The following RBFOX3 variants were observed in gnomAD, a reference collection of about 807,000 sequenced individuals.
The protein encoded by RBFOX3 is RNA binding protein fox-1 homolog 3.
RBFOX3 carries 17 observed loss-of-function variants against 48.7 expected under a neutral mutation model. The observed-to-expected ratio is 0.35, with a 90% CI of 0.24 to 0.52. The LOEUF (loss-of-function observed/expected upper bound fraction) is 0.52, where lower values mean the gene tolerates loss of function less well. Among genes scored for constraint, RBFOX3 ranks in the 20% least tolerant of loss-of-function variants. The pLI is 0.94. For missense variants in RBFOX3, 382 were observed against 497.5 expected, an observed-to-expected ratio of 0.77 and a Z score of 2.21; for synonymous variants, 212 against 209.5, an observed-to-expected ratio of 1.01 and a Z score of -0.10.
rs1261037058 is a variant in RBFOX3 at position 79,106,765 on chromosome 17, C to T, written c.246G>A (p.Thr82=). The T allele has an allele frequency of 8.5e-6, 13 of 1,525,098 alleles. No homozygotes were observed. Among genetic ancestry groups the T allele is most frequent in the Middle Eastern group, 1.7e-4 (1 of 5,848 alleles). The allele number at this position is 1,525,098 out of a possible 1,614,324, so 94.5% of individuals were successfully genotyped here. A position where few individuals can be genotyped will look rare whatever the true frequency, so the allele number is the denominator to read the frequency against. Residue 82 remains threonine (T), a synonymous_variant, in exon 6 of 15, where the codon ACG becomes ACA. Coordinates refer to ENST00000693108, the MANE Select transcript of RBFOX3 (RefSeq NM_001350451.2). ...TVPQTDEAAQ[T]DSQPLHPSDP... is the part of the protein sequence containing the mutation. Reference sequence around the variant, plus strand: ...CGGAGGGGTGGAGCGGCTGGCTGTCCGTCTGTGCCGCCTCGTCTGTCTGCT... The same window carrying T: ...CGGAGGGGTGGAGCGGCTGGCTGTCTGTCTGTGCCGCCTCGTCTGTCTGCT...
chr17:79,555,862 A>T (rs969013933), intron 1 of RBFOX3, among the ~76,000 whole-genome samples: 7 of 21,200 alleles, frequency 3.3e-4, no homozygotes, highest in Non-Finnish European at 6.5e-4. Context: ...GGTGATGATG[A>T]TGATAGTGGT....
intron 1 of RBFOX3, among the ~76,000 whole-genome samples, chr17:79,503,014 C>G (rs2082585942): frequency 6.6e-6 from 1 of 152,212 alleles, no homozygotes; most frequent in Admixed American, 6.5e-5. Flanking sequence ...GCTGGGAGTC[C>G]GAGATCAGGG....
chr17:79,157,840 T>C (rs1367070887), intron 4 of RBFOX3, among the ~76,000 whole-genome samples: 2 of 152,148 alleles, frequency 1.3e-5, no homozygotes, highest in East Asian at 3.9e-4. Context: ...TGAGTGCTGC[T>C]TATGGTCACC....
At chr17:79,289,814 G>C (rs2072870556) in intron 3 of RBFOX3, among the ~76,000 whole-genome samples, 2 of 152,378 alleles carry the variant, frequency 1.3e-5, no homozygotes, top group East Asian at 3.9e-4. Context: ...TGAGTTGGAA[G>C]AACAGCTCTC....
intron 2 of RBFOX3, among the ~76,000 whole-genome samples, chr17:79,315,801 T>A (rs1420720961): frequency 6.6e-6 from 1 of 152,056 alleles, no homozygotes; most frequent in Non-Finnish European, 1.5e-5. Flanking sequence ...ATGCAGGAAA[T>A]GTTAATGGAG....
chr17:79,278,964 C>T (rs888180945), intron 3 of RBFOX3, among the ~76,000 whole-genome samples: 1 of 152,190 alleles, frequency 6.6e-6, no homozygotes, highest in Non-Finnish European at 1.5e-5. Flanking sequence ...ATCCCACTTA[C>T]ATCTCCACAT....
intron 1 of RBFOX3, among the ~76,000 whole-genome samples, chr17:79,494,072 G>T (rs894292638): frequency 6.6e-6 from 1 of 152,142 alleles, no homozygotes; most frequent in African/African-American, 2.4e-5. Context: ...GGAGTTTGAG[G>T]CTAGCCTGGG....
chr17:79,368,973 G>C (rs1425069443), intron 2 of RBFOX3, among the ~76,000 whole-genome samples: 1 of 152,170 alleles, frequency 6.6e-6, no homozygotes. Context: ...GGCAGGAAAA[G>C]GCAGATCCCA....
intron 3 of RBFOX3, among the ~76,000 whole-genome samples, chr17:79,281,777 T>C (rs1048337822): frequency 6.6e-6 from 1 of 152,232 alleles, no homozygotes; most frequent in Non-Finnish European, 1.5e-5. Context: ...AATCAATAAG[T>C]AGCCTTGAGG....
chr17:79,633,848 G>A, the RBFOX3 span, among the ~76,000 whole-genome samples: 1 of 152,116 alleles, frequency 6.6e-6, no homozygotes, highest in Non-Finnish European at 1.5e-5. Flanking sequence ...ACCCTTGGAA[G>A]AACAAAACCC....
At chr17:79,397,574 C>T (rs2062180694) in intron 2 of RBFOX3, among the ~76,000 whole-genome samples, 1 of 151,904 alleles carries the variant, frequency 6.6e-6, no homozygotes, top group Admixed American at 6.6e-5. Context: ...CCTCATTTCC[C>T]ATCAAAATCA....
At chr17:79,484,343 G>A (rs2079203078) in intron 1 of RBFOX3, among the ~76,000 whole-genome samples, 3 of 152,228 alleles carry the variant, frequency 2.0e-5, no homozygotes, top group South Asian at 4.1e-4. Context: ...CCCTTTCAGG[G>A]ACCATTGGTA....
chr17:79,647,567 C>T, the RBFOX3 span, among the ~76,000 whole-genome samples: 2 of 152,254 alleles, frequency 1.3e-5, no homozygotes, highest in East Asian at 3.9e-4. Context: ...AATCTCTGGC[C>T]CAGAGTCAGC....
At chr17:79,507,463 G>A (rs1388627796) in intron 1 of RBFOX3, among the ~76,000 whole-genome samples, 3 of 152,156 alleles carry the variant, frequency 2.0e-5, no homozygotes, top group East Asian at 1.9e-4. Flanking sequence ...TCAGGTGCCC[G>A]CGGGATGCTG....
At chr17:79,186,947 C>G (rs949546186) in intron 4 of RBFOX3, among the ~76,000 whole-genome samples, 1 of 152,246 alleles carries the variant, frequency 6.6e-6, no homozygotes, top group Non-Finnish European at 1.5e-5. Flanking sequence ...GGCGTGTCTT[C>G]CCCAGCTTCC....
At chr17:79,184,635 G>A (rs1046789750) in intron 4 of RBFOX3, among the ~76,000 whole-genome samples, 24 of 152,244 alleles carry the variant, frequency 1.6e-4, no homozygotes, top group Non-Finnish European at 8.8e-5. Context: ...GGCAGAGCCA[G>A]TGGCTCATGC....
At chr17:79,266,756 A>G (rs1314668881) in intron 3 of RBFOX3, among the ~76,000 whole-genome samples, 1 of 152,138 alleles carries the variant, frequency 6.6e-6, no homozygotes, top group Non-Finnish European at 1.5e-5. Context: ...CAGTAATGTC[A>G]TCAATCATTC....
the RBFOX3 span, among the ~76,000 whole-genome samples, chr17:79,658,415 A>C: frequency 2.9e-3 from 95 of 32,608 alleles, no homozygotes; most frequent in East Asian, 4.0e-3. Flanking sequence ...CTCTCCCGCC[A>C]TCTCTCTCCC....
intron 1 of RBFOX3, among the ~76,000 whole-genome samples, chr17:79,565,324 C>G (rs1474800263): frequency 8.7e-5 from 13 of 150,156 alleles, no homozygotes; most frequent in African/African-American, 3.2e-4. Flanking sequence ...AAGAAGCAAA[C>G]AATACATTTA....
Sources: gnomAD v4.1 joint callset for allele counts (sites outside exome capture counted in the v4.1 genomes callset) on GRCh38, gnomAD v4.1.1 for gene constraint, MANE v1.5 for transcripts, NCBI Gene and HGNC (gene_info 2026-07-23, HGNC 2026-07-21) for gene names.